LHFPL3: variants seen among roughly 807,000 people sequenced by gnomAD.
LHFPL3 encodes the protein LHFPL tetraspan subfamily member 3 protein.
A neutral mutation model predicts 19.3 loss-of-function variants in LHFPL3; 5 were observed. That is an observed-to-expected ratio of 0.26 (90% CI 0.14 to 0.54). The LOEUF is 0.54. LHFPL3 is among the 20% of genes least tolerant of loss of function. The pLI, the probability that LHFPL3 is intolerant of heterozygous loss-of-function variation, is 0.94. For missense variants in LHFPL3, 249 were observed against 307.4 expected (o/e 0.81, Z 1.42); for synonymous variants, 133 against 126.2 (o/e 1.05, Z -0.36).
chr7:104,636,128 G>A (rs1791724841), intron 1 of LHFPL3, among the ~76,000 whole-genome samples: 1 of 152,112 alleles, frequency 6.6e-6, no homozygotes, highest in Admixed American at 6.6e-5. Context: ...GAATATGTAT[G>A]GACTTAACCA....
Position 104,668,688 on chromosome 7 carries a change from C to T in LHFPL3, c.446-67987C>T, listed in dbSNP as rs181470287. ...GTGGAGCTCCAGAGATGATTACTCT[C>T]GGGATGATTATAGGCGTGATGATAG... On this transcript the variant is annotated intron_variant, in intron 1 of 2. Coordinates refer to ENST00000424859, the MANE Select transcript of LHFPL3 (RefSeq NM_199000.3). 457 of 1,605,874 alleles carry T rather than the reference C, an allele frequency of 2.8e-4. 5 individuals are homozygous for T. The African/African-American group carries it at 5.8e-3, about 20-fold the overall frequency.
intron 1 of LHFPL3, among the ~76,000 whole-genome samples, chr7:104,346,489 G>A (rs987142866): frequency 2.6e-5 from 4 of 152,090 alleles, no homozygotes; most frequent in Non-Finnish European, 5.9e-5. Context: ...GCTCAATGGG[G>A]AACAGGATGG....
chr7:104,792,990 G>A (rs1790053458), intron 2 of LHFPL3, among the ~76,000 whole-genome samples: 1 of 152,150 alleles, frequency 6.6e-6, no homozygotes. Flanking sequence ...CTACCTCCCA[G>A]TTTCAAGTGA....
At chr7:104,583,411 A>T (rs942525903) in intron 1 of LHFPL3, among the ~76,000 whole-genome samples, 1 of 152,252 alleles carries the variant, frequency 6.6e-6, no homozygotes, top group Non-Finnish European at 1.5e-5. Context: ...GCAGAACTTC[A>T]TGTCTAAAAC....
chr7:104,332,218 CTTTTCTTTTTTTT>C (rs1346163750), intron 1 of LHFPL3, among the ~76,000 whole-genome samples: 1 of 95,894 alleles, frequency 1.0e-5, no homozygotes, highest in African/African-American at 4.3e-5. Context: ...AATCCTATTT[CTTTTCTTTTTTTT>C]TTTTTTTTTT....
chr7:104,706,990 C>T (rs1032452560), intron 1 of LHFPL3, among the ~76,000 whole-genome samples: 3 of 152,170 alleles, frequency 2.0e-5, no homozygotes, highest in Non-Finnish European at 2.9e-5. Context: ...CCTGGTCCCT[C>T]AGTGTATGAC....
At chr7:104,696,984 G>A (rs1408082932) in intron 1 of LHFPL3, among the ~76,000 whole-genome samples, 1 of 152,164 alleles carries the variant, frequency 6.6e-6, no homozygotes, top group Non-Finnish European at 1.5e-5. Flanking sequence ...GATACAGGCA[G>A]ATTTAGTGTC....
chr7:104,429,301 C>CTTTTTTTT (rs71823474), intron 1 of LHFPL3, among the ~76,000 whole-genome samples: 4 of 84,532 alleles, frequency 4.7e-5, no homozygotes, highest in Non-Finnish European at 6.4e-5. Context: ...TATGTCATTC[C>CTTTTTTTT]TTTTTTTTTT....
rs1203572071 is a variant in LHFPL3 at position 104,507,792 on chromosome 7, G to A, written c.445+178568G>A. Among the ~76,000 whole-genome samples the A allele has an allele frequency of 6.2e-5, 8 of 129,400 alleles. 1 individual carries two copies. The highest frequency in any genetic ancestry group is 2.0e-4 in the African/African-American group (7 of 34,644). 84.9% of individuals were successfully genotyped at this position (129,400 alleles called of 152,430 possible). On this transcript the variant is annotated intron_variant, in intron 1 of 2. Coordinates refer to ENST00000424859, the MANE Select transcript of LHFPL3 (RefSeq NM_199000.3). The stretch of plus-strand genomic sequence containing the variant: ...AAACAAACAACCCCATCAAAAAGTG[G>A]GTGAAGGACATGAACAGACACTTCT...
chr7:104,700,159 G>A (rs1470038026), intron 1 of LHFPL3, among the ~76,000 whole-genome samples: 2 of 152,172 alleles, frequency 1.3e-5, no homozygotes, highest in Middle Eastern at 3.2e-3. Flanking sequence ...AGGCTGTATG[G>A]AAACAAGAGG....
chr7:104,764,704 A>G (rs941709152), intron 2 of LHFPL3, among the ~76,000 whole-genome samples: 4 of 152,192 alleles, frequency 2.6e-5, no homozygotes, highest in Admixed American at 6.5e-5. Context: ...CAATATTTAC[A>G]TGCCTATCTA....
chr7:104,693,991 C>G (rs1330380143), intron 1 of LHFPL3, among the ~76,000 whole-genome samples: 1 of 152,134 alleles, frequency 6.6e-6, no homozygotes, highest in African/African-American at 2.4e-5. Flanking sequence ...AGCATGAGAA[C>G]AGAGTAATAC....
Position 104,907,221 on chromosome 7 carries a change from G to A in LHFPL3, c.*1006G>A, listed in dbSNP as rs929987110. ...ATCCATGTCTTCTATTTCCCTTACT[G>A]ATGGGCACTCATTTTTATTTTTTTA... On this transcript the variant is annotated 3_prime_UTR_variant, in exon 3 of 3. Transcript: ENST00000424859. 6 of 152,158 alleles carry A rather than the reference G, an allele frequency of 3.9e-5. No homozygotes were observed. The highest frequency in any genetic ancestry group is 1.5e-4 in the African/African-American group (6 of 41,280). 9.4% of individuals were successfully genotyped at this position (152,158 alleles called of 1,614,324 possible).
intron 2 of LHFPL3, among the ~76,000 whole-genome samples, chr7:104,857,433 C>T (rs548302417): frequency 1.1e-4 from 16 of 152,104 alleles, no homozygotes; most frequent in Admixed American, 9.8e-4. Context: ...ATATGCCAGA[C>T]CTTATACCAG....
chr7:104,692,858 G>A (rs972441660), intron 1 of LHFPL3, among the ~76,000 whole-genome samples: 15 of 152,206 alleles, frequency 9.9e-5, no homozygotes, highest in Non-Finnish European at 1.8e-4. Context: ...GCACTGCCTA[G>A]TGGAGCTGTG....
At chr7:104,553,159 A>C (rs1794692893) in intron 1 of LHFPL3, among the ~76,000 whole-genome samples, 2 of 152,128 alleles carry the variant, frequency 1.3e-5, no homozygotes, top group Admixed American at 1.3e-4. Context: ...TTTGATCTTG[A>C]ATCTAAAATA....
chr7:104,373,293 C>G (rs139280739), intron 1 of LHFPL3, among the ~76,000 whole-genome samples: 1 of 152,234 alleles, frequency 6.6e-6, no homozygotes, highest in Non-Finnish European at 1.5e-5. Context: ...AATAGTCTTT[C>G]TTATATGCAG....
At chr7:104,404,472 T>G (rs946916447) in intron 1 of LHFPL3, among the ~76,000 whole-genome samples, 1 of 152,312 alleles carries the variant, frequency 6.6e-6, no homozygotes, top group East Asian at 1.9e-4. Context: ...GAAGTAAAAT[T>G]ATTGAAGAAA....
intron 1 of LHFPL3, among the ~76,000 whole-genome samples, chr7:104,518,558 CA>C (rs1237882214): frequency 2.6e-5 from 4 of 152,058 alleles, no homozygotes; most frequent in South Asian, 2.1e-4. Context: ...CTGAGGCAGG[CA>C]GGTCACCTGA....
Sources: allele counts gnomAD v4.1 joint callset (sites outside exome capture counted in the v4.1 genomes callset), GRCh38; gene constraint gnomAD v4.1.1; transcripts MANE v1.5; gene names NCBI Gene and HGNC (gene_info 2026-07-23, HGNC 2026-07-21).